The following NRG1 variants were observed in gnomAD, a reference collection of about 807,000 sequenced individuals.
NRG1 encodes the protein pro-neuregulin-1, membrane-bound isoform.
In NRG1, 18 loss-of-function variants were observed where a neutral mutation model predicts 63.8. That is an observed-to-expected ratio of 0.28 (90% CI 0.19 to 0.42). NRG1 has a LOEUF of 0.42. Among genes scored for constraint, NRG1 ranks in the 10% least tolerant of loss-of-function variants. NRG1 has a pLI of 1.00. For synonymous variants in NRG1, 302 were observed against 301.3 expected (o/e 1.00, Z -0.02); for missense variants, 762 against 814.7 (o/e 0.94, Z 0.79).
intron 1 of NRG1, among the ~76,000 whole-genome samples, chr8:32,059,904 A>T (rs1823566324): frequency 6.6e-6 from 1 of 151,886 alleles, no homozygotes; most frequent in Non-Finnish European, 1.5e-5. Context: ...TAGATCTTCC[A>T]GACTTATCCT....
chr8:32,114,134 AC>A (rs1378131650), intron 1 of NRG1, among the ~76,000 whole-genome samples: 1 of 152,244 alleles, frequency 6.6e-6, no homozygotes, highest in African/African-American at 2.4e-5. Flanking sequence ...GTTTGTTTAC[AC>A]CTAGACAGGC....
chr8:32,548,036 C>T (rs1833285905), upstream of NRG1, among the ~76,000 whole-genome samples: 1 of 152,120 alleles, frequency 6.6e-6, no homozygotes, highest in Non-Finnish European at 1.5e-5. Context: ...TGGCCTCGGT[C>T]TCCGCGCAGC....
At chr8:32,414,035 G>A (rs892856455) in intron 1 of NRG1, among the ~76,000 whole-genome samples, 9 of 152,048 alleles carry the variant, frequency 5.9e-5, no homozygotes, top group African/African-American at 2.2e-4. Context: ...AATCCTGAAG[G>A]TTCTAGGAGG....
chr8:31,746,841 G>T (rs1815923442), intron 1 of NRG1, among the ~76,000 whole-genome samples: 1 of 151,908 alleles, frequency 6.6e-6, no homozygotes, highest in Non-Finnish European at 1.5e-5. Context: ...ACAGAAGGAG[G>T]TCTTGTTATT....
At chr8:32,479,568 G>A (rs989713344) in intron 1 of NRG1, among the ~76,000 whole-genome samples, 2 of 152,074 alleles carry the variant, frequency 1.3e-5, no homozygotes, top group Admixed American at 1.3e-4. Flanking sequence ...AGAGTAAAGG[G>A]GCTTAGTGCA....
intron 1 of NRG1, among the ~76,000 whole-genome samples, chr8:32,578,240 C>T (rs149998372): frequency 0.018 from 2,772 of 152,258 alleles, 40 homozygotes; most frequent in Middle Eastern, 0.058. Context: ...GTGATCCACC[C>T]GCCTCAGCCT....
chr8:32,690,617 A>G (rs1444927985), intron 5 of NRG1, among the ~76,000 whole-genome samples: 3 of 152,146 alleles, frequency 2.0e-5, no homozygotes, highest in Non-Finnish European at 4.4e-5. Context: ...ATAGTTTATA[A>G]AAGCCCAGGA....
intron 1 of NRG1, among the ~76,000 whole-genome samples, chr8:32,573,019 G>A (rs1046155216): frequency 6.6e-6 from 1 of 152,068 alleles, no homozygotes; most frequent in Non-Finnish European, 1.5e-5. Flanking sequence ...TGCCTGAACC[G>A]AGTAATGGCA....
At chr8:32,532,631 A>G (rs13257436) in intron 1 of NRG1, among the ~76,000 whole-genome samples, 8,272 of 152,048 alleles carry the variant, frequency 0.054, 300 homozygotes, top group Middle Eastern at 0.085. Flanking sequence ...TGATACTTTC[A>G]TTACAATTTT....
chr8:32,713,352 C>A (rs866289715), intron 5 of NRG1, among the ~76,000 whole-genome samples: 4 of 152,250 alleles, frequency 2.6e-5, no homozygotes, highest in Middle Eastern at 3.4e-3. Context: ...CTCTGTACAT[C>A]AAAAATCCTT....
chr8:32,389,787 G>A (rs1811488190), intron 1 of NRG1, among the ~76,000 whole-genome samples: 1 of 146,948 alleles, frequency 6.8e-6, no homozygotes, highest in East Asian at 2.1e-4. Context: ...TTGAAATGGA[G>A]TCTCACTCTG....
At chr8:32,062,870 G>A (rs1206957433) in intron 1 of NRG1, among the ~76,000 whole-genome samples, 1 of 151,938 alleles carries the variant, frequency 6.6e-6, no homozygotes, top group Admixed American at 6.6e-5. Context: ...TAACCCACAG[G>A]GGTTGAAATT....
Position 32,077,370 on chromosome 8 carries a change from C to T in NRG1, c.37+437939C>T, listed in dbSNP as rs147063340. ...GACAAGAGCAAAACTTCATCCCCTC[C>T]CCCCCAAAAAATTGTTAACTACTAC... On this transcript the variant is annotated intron_variant, in intron 1 of 10. Transcript: ENST00000519301. Among the ~76,000 whole-genome samples the T allele has an allele frequency of 3.3e-5, 5 of 151,912 alleles. No individual in the cohort carries two copies. The East Asian group carries it at 5.8e-4, about 18-fold the overall frequency.
chr8:32,319,006 T>G (rs933737266), intron 1 of NRG1, among the ~76,000 whole-genome samples: 2 of 152,130 alleles, frequency 1.3e-5, no homozygotes, highest in South Asian at 4.1e-4. Flanking sequence ...GACTGTGCGA[T>G]GTAAAAAAGG....
chr8:32,688,829 A>G (rs762456328), intron 5 of NRG1, among the ~76,000 whole-genome samples: 1 of 152,168 alleles, frequency 6.6e-6, no homozygotes, highest in Non-Finnish European at 1.5e-5. Flanking sequence ...ATGAATTCCT[A>G]TTCCTGATTT....
At chr8:31,878,851 G>A (rs1466499429) in intron 1 of NRG1, among the ~76,000 whole-genome samples, 1 of 152,124 alleles carries the variant, frequency 6.6e-6, no homozygotes, top group African/African-American at 2.4e-5. Context: ...CTTCATTGAA[G>A]CCACAAAGGG....
At chr8:32,203,958 T>C (rs1843754669) in intron 1 of NRG1, among the ~76,000 whole-genome samples, 1 of 151,630 alleles carries the variant, frequency 6.6e-6, no homozygotes, top group South Asian at 2.1e-4. Flanking sequence ...ATACAAAAAG[T>C]GTAGCAATGG....
rs183141844 is a variant in NRG1, at chr8:32,172,208, C to A, written c.38-423620C>A. Among the ~76,000 whole-genome samples, 187 of 152,286 alleles carry A rather than the reference C, an allele frequency of 1.2e-3. 4 individuals are homozygous for A. In the East Asian group the frequency reaches 0.032, roughly 26 times the overall value. The stretch of plus-strand genomic sequence containing the variant: ...CTCACCAGTATCTGCTGTTCTGCAG[C>A]CTCCGCTGCTGATACCCAGGCAAAC... On this transcript the variant is annotated intron_variant, in intron 1 of 10. Coordinates refer to the NRG1 transcript ENST00000519301.
At chr8:32,459,467 T>A (rs1188359011) in intron 1 of NRG1, among the ~76,000 whole-genome samples, 1 of 152,090 alleles carries the variant, frequency 6.6e-6, no homozygotes, top group Non-Finnish European at 1.5e-5. Context: ...ACAGCCAGAA[T>A]GATCTCTTTG....
Sources: gnomAD v4.1 joint callset for allele counts (sites outside exome capture counted in the v4.1 genomes callset) on GRCh38, gnomAD v4.1.1 for gene constraint, MANE v1.5 for transcripts, NCBI Gene and HGNC (gene_info 2026-07-23, HGNC 2026-07-21) for gene names.